Variants in CSMD2 observed in about 807,000 individuals in gnomAD.
The protein encoded by CSMD2 is CUB and sushi domain-containing protein 2.
Under a neutral mutation model 398.5 loss-of-function variants are expected in CSMD2, and 130 were observed. The observed-to-expected ratio is 0.33, with a 90% CI of 0.28 to 0.38. CSMD2 has a LOEUF of 0.38. CSMD2 is among the 10% of genes least tolerant of loss of function. The pLI is 1.00. For synonymous variants in CSMD2, 1,828 were observed against 1,908.5 expected, an observed-to-expected ratio of 0.96 and a Z score of 1.10; for missense variants, 3,829 against 4,764.9, an observed-to-expected ratio of 0.80 and a Z score of 5.78.
intron 29 of CSMD2, among the ~76,000 whole-genome samples, chr1:33,641,596 G>A (rs1408573818): frequency 6.6e-6 from 1 of 152,172 alleles, no homozygotes; most frequent in East Asian, 1.9e-4. Flanking sequence ...TCTGATCAAT[G>A]GTCTAATAGA....
At chr1:33,952,671 T>C (rs558170529) in intron 3 of CSMD2, among the ~76,000 whole-genome samples, 14 of 145,606 alleles carry the variant, frequency 9.6e-5, no homozygotes, top group African/African-American at 3.8e-4. Flanking sequence ...TTGTTTTTGT[T>C]GTTTACACAC....
intron 37 of CSMD2, among the ~76,000 whole-genome samples, chr1:33,620,044 A>G (rs1557633182): frequency 1.3e-5 from 2 of 152,226 alleles, no homozygotes; most frequent in Admixed American, 6.5e-5. Context: ...GAATGGGAGA[A>G]AGATGAGGCT....
intron 2 of CSMD2, among the ~76,000 whole-genome samples, chr1:34,048,509 C>T (rs781232172): frequency 1.3e-5 from 2 of 152,188 alleles, no homozygotes; most frequent in African/African-American, 2.4e-5. Flanking sequence ...CCTACCCCCT[C>T]GGACAGCTGC....
chr1:33,635,378 A>G lies in CSMD2; in HGVS notation c.4970-48T>C. The G allele has an allele frequency of 1.8e-6, 2 of 1,128,362 alleles. No individual in the cohort carries two copies. Among genetic ancestry groups the G allele is most frequent in the South Asian group, 2.6e-5 (2 of 77,854 alleles). 69.9% of individuals were successfully genotyped at this position (1,128,362 alleles called of 1,614,324 possible). ...AGTCAGGTGACCTTGTGGGCCTCTT[A>G]CCAGTGACCATCCTCTGTTCTGCCC... On this transcript the variant is annotated intron_variant, in intron 30 of 70. Coordinates refer to ENST00000373381, the MANE Select transcript of CSMD2 (RefSeq NM_001281956.2). The surrounding 1 kb of genome is among the most constrained non-coding windows in gnomAD (Gnocchi z 5.0).
intron 4 of CSMD2, among the ~76,000 whole-genome samples, chr1:33,920,796 C>T (rs1460662040): frequency 1.3e-5 from 2 of 152,110 alleles, no homozygotes; most frequent in African/African-American, 4.8e-5. Context: ...AAGGTGGGGG[C>T]CTCTTGAAGC....
chr1:33,808,688 C>A (rs193162126), intron 10 of CSMD2, among the ~76,000 whole-genome samples: 18 of 151,560 alleles, frequency 1.2e-4, no homozygotes, highest in Admixed American at 6.6e-4. Context: ...AGAAAAAGAA[C>A]AACAGAATAA....
chr1:33,716,556 A>G, intron 19 of CSMD2, 55 bp from the exon 20 acceptor site: 1 of 1,173,006 alleles, frequency 8.5e-7, no homozygotes, highest in East Asian at 2.8e-5. Context: ...GGAGAACCTC[A>G]GCTGCAAGAC....
intron 5 of CSMD2, among the ~76,000 whole-genome samples, chr1:33,909,269 C>T (rs939798077): frequency 6.6e-6 from 1 of 152,114 alleles, no homozygotes; most frequent in Non-Finnish European, 1.5e-5. Flanking sequence ...TAAGCCTTTA[C>T]ATGTGCAGCT....
intron 51 of CSMD2, among the ~76,000 whole-genome samples, chr1:33,569,795 G>C (rs1659413632): frequency 6.6e-6 from 1 of 152,208 alleles, no homozygotes; most frequent in African/African-American, 2.4e-5. Flanking sequence ...CAGCTTTGCA[G>C]ATAGCGCCCT....
intron 25 of CSMD2, among the ~76,000 whole-genome samples, chr1:33,671,157 C>T (rs1644484327): frequency 6.6e-6 from 1 of 152,132 alleles, no homozygotes. Flanking sequence ...GTGATAATGT[C>T]CAAGCTGCAG....
chr1:34,052,168 T>TACACACAC lies in CSMD2; in HGVS notation c.405-19470_405-19463dup, dbSNP rs35006153. 1.6e-3 allele frequency among the ~76,000 whole-genome samples: 237 copies of TACACACAC among 147,022 alleles called. 2 individuals are homozygous for TACACACAC. Among genetic ancestry groups the TACACACAC allele is most frequent in the African/African-American group, 5.6e-3 (221 of 39,802 alleles). On this transcript the variant is annotated intron_variant, in intron 2 of 70. Transcript: ENST00000373381. ...AATTCCTTATAATAAAGCATATGTATACACACACACACACACACACACACA... is the reference window on the plus strand; with the variant it reads ...AATTCCTTATAATAAAGCATATGTATACACACACACACACACACACACACACACACACA...
At chr1:33,932,967 C>T (rs1159120383) in intron 4 of CSMD2, among the ~76,000 whole-genome samples, 4 of 152,192 alleles carry the variant, frequency 2.6e-5, no homozygotes, top group Non-Finnish European at 5.9e-5. Context: ...GTACAATGCA[C>T]ATCACAGGGG....
At chr1:34,081,318 T>C (rs1368559787) in intron 2 of CSMD2, among the ~76,000 whole-genome samples, 1 of 152,166 alleles carries the variant, frequency 6.6e-6, no homozygotes. Context: ...GACTGTCCTC[T>C]AAGGTCATTT....
At chr1:33,964,350 C>T (rs12723958) in intron 3 of CSMD2, among the ~76,000 whole-genome samples, 9,303 of 152,204 alleles carry the variant, frequency 0.061, 352 homozygotes, top group South Asian at 0.12. Context: ...TTAAATCAGC[C>T]CCTGGCACAT....
chr1:34,080,344 G>A lies in CSMD2; in HGVS notation c.404+8633C>T, dbSNP rs557296315. 8.9e-4 allele frequency among the ~76,000 whole-genome samples: 135 copies of A among 152,030 alleles called. 3 individuals are homozygous for A. The South Asian group carries it at 0.011, about 13-fold the overall frequency. On this transcript the variant is annotated intron_variant, in intron 2 of 70. Coordinates refer to ENST00000373381, the MANE Select transcript of CSMD2 (RefSeq NM_001281956.2). Reference sequence around the variant, plus strand: ...TGTGAGAGCAATATATTGCCTATCCGCAAATATCAGTTAGGCAATAGATAT... The same window carrying A: ...TGTGAGAGCAATATATTGCCTATCCACAAATATCAGTTAGGCAATAGATAT...
chr1:33,850,368 A>T (rs1638620458), intron 5 of CSMD2, among the ~76,000 whole-genome samples: 1 of 152,144 alleles, frequency 6.6e-6, no homozygotes, highest in Non-Finnish European at 1.5e-5. Flanking sequence ...CTGCACAGAG[A>T]GGTAAAGAAA....
chr1:34,124,761 C>T (rs6425875), intron 1 of CSMD2, among the ~76,000 whole-genome samples: 56,282 of 152,046 alleles, frequency 0.37, 11,357 homozygotes, highest in East Asian at 0.68. Context: ...AAATCAGCCA[C>T]ATAAATTGTG....
chr1:33,525,175 G>A (rs182838159), intron 65 of CSMD2, 132 bp from the exon 66 acceptor site: 2 of 945,548 alleles, frequency 2.1e-6, no homozygotes, highest in East Asian at 4.8e-5. Flanking sequence ...TGAGGAAGGT[G>A]GTAGAATGCT....
intron 5 of CSMD2, among the ~76,000 whole-genome samples, chr1:33,897,968 C>T (rs1459670952): frequency 6.6e-6 from 1 of 152,194 alleles, no homozygotes; most frequent in Non-Finnish European, 1.5e-5. Context: ...AAGGTGGTCT[C>T]AGTCAAGACC....
Sources: allele counts gnomAD v4.1 joint callset (sites outside exome capture counted in the v4.1 genomes callset), GRCh38; gene constraint gnomAD v4.1.1; non-coding constraint Gnocchi (gnomAD v3.1); transcripts MANE v1.5; gene names NCBI Gene and HGNC (gene_info 2026-07-23, HGNC 2026-07-21).